Variants in FHOD3 observed in about 807,000 individuals in gnomAD.
FHOD3 encodes formin homology 2 domain containing 3.
FHOD3 carries 90 observed loss-of-function variants against 173.0 expected under a neutral mutation model. The ratio of observed to expected loss-of-function variants is 0.52; its 90% CI spans 0.44 to 0.62. The LOEUF (loss-of-function observed/expected upper bound fraction) is 0.62. Ranked by LOEUF, FHOD3 falls within the 20% of genes least tolerant of loss-of-function variation. The pLI is 0.00. For synonymous variants in FHOD3, 828 were observed against 823.0 expected, an observed-to-expected ratio of 1.01 and a Z score of -0.10; for missense variants, 1,945 against 2,034.7, an observed-to-expected ratio of 0.96 and a Z score of 0.85.
chr18:36,763,294 A>G (rs2042984073), intron 27 of FHOD3, among the ~76,000 whole-genome samples: 1 of 140,856 alleles, frequency 7.1e-6, no homozygotes, highest in South Asian at 2.2e-4. Flanking sequence ...CAATATGCGT[A>G]TTATACACGT....
intron 20 of FHOD3, among the ~76,000 whole-genome samples, chr18:36,736,275 A>T (rs1253129272): frequency 6.6e-6 from 1 of 152,256 alleles, no homozygotes; most frequent in Non-Finnish European, 1.5e-5. Context: ...GTGCACTGTT[A>T]GCTTTGCCAT....
rs146855973 is a variant in FHOD3, at chr18:36,779,691, C to T, written c.*161C>T. ...ACCCCATGGCTTGTGTTGCCTGCTACGCATTGACTTGGATCTCCAGGAGTC... is the reference window on the plus strand; with the variant it reads ...ACCCCATGGCTTGTGTTGCCTGCTATGCATTGACTTGGATCTCCAGGAGTC... On this transcript the variant is annotated 3_prime_UTR_variant, in exon 29 of 29. Coordinates refer to ENST00000590592, the MANE Select transcript of FHOD3 (RefSeq NM_001281740.3). 6 of 641,440 alleles carry T rather than the reference C, an allele frequency of 9.4e-6. No individual in the cohort carries two copies. The highest frequency in any genetic ancestry group is 5.2e-5 in the Admixed American group (2 of 38,670). The allele number at this position is 641,440 out of a possible 1,614,324, so 39.7% of individuals were successfully genotyped here. A position where few individuals can be genotyped will look rare whatever the true frequency, so the allele number is the denominator to read the frequency against.
At chr18:36,616,902 TC>T (rs2033252635) in intron 9 of FHOD3, among the ~76,000 whole-genome samples, 1 of 152,232 alleles carries the variant, frequency 6.6e-6, no homozygotes, top group Non-Finnish European at 1.5e-5. Context: ...GTCTGGGACA[TC>T]CCTTGTGACT....
chr18:36,402,506 T>TACACAACACAC (rs1555693805), intron 3 of FHOD3, among the ~76,000 whole-genome samples: 9 of 143,906 alleles, frequency 6.3e-5, no homozygotes, highest in African/African-American at 2.3e-4. Flanking sequence ...GATGCAATTA[T>TACACAACACAC]ACACACACAC....
intron 5 of FHOD3, among the ~76,000 whole-genome samples, chr18:36,561,951 A>G (rs2058095902): frequency 6.9e-6 from 1 of 144,284 alleles, no homozygotes; most frequent in Non-Finnish European, 1.5e-5. Context: ...AGTGACTACT[A>G]CTACACTGTG....
chr18:36,610,618 C>T (rs1599863908), intron 8 of FHOD3, among the ~76,000 whole-genome samples: 1 of 152,174 alleles, frequency 6.6e-6, no homozygotes, highest in East Asian at 1.9e-4. Context: ...GACTGGTGTC[C>T]TCTTTGCTCA....
chr18:36,467,196 C>T (rs544543289), intron 3 of FHOD3, among the ~76,000 whole-genome samples: 81 of 152,266 alleles, frequency 5.3e-4, no homozygotes, highest in African/African-American at 1.7e-3. Context: ...CCTTCACCTT[C>T]GTCTTAGGAG....
intron 3 of FHOD3, among the ~76,000 whole-genome samples, chr18:36,473,303 G>A (rs1422826797): frequency 1.1e-4 from 17 of 152,310 alleles, no homozygotes; most frequent in African/African-American, 4.1e-4. Flanking sequence ...GATCCCAGCT[G>A]CTCAGGAGGC....
At chr18:36,653,253 A>G in intron 12 of FHOD3, 89 bp from the exon 13 acceptor site, 3 of 1,024,986 alleles carry the variant, frequency 2.9e-6, no homozygotes, top group South Asian at 3.0e-5. Context: ...GCCAGGTGGC[A>G]TGAAGTCTTT....
intron 10 of FHOD3, among the ~76,000 whole-genome samples, chr18:36,641,327 G>A (rs112728708): frequency 1.3e-5 from 2 of 152,310 alleles, no homozygotes; most frequent in African/African-American, 2.4e-5. Flanking sequence ...GGAGGTTCAC[G>A]AAGGGAAAGT....
intron 3 of FHOD3, among the ~76,000 whole-genome samples, chr18:36,388,727 A>G (rs2048149364): frequency 6.6e-6 from 1 of 152,148 alleles, no homozygotes; most frequent in Non-Finnish European, 1.5e-5. Context: ...CCACAGAAGG[A>G]GTTTATACCA....
intron 10 of FHOD3, among the ~76,000 whole-genome samples, chr18:36,629,562 G>C (rs755047196): frequency 6.6e-6 from 1 of 152,208 alleles, no homozygotes; most frequent in Non-Finnish European, 1.5e-5. Flanking sequence ...TATGAGAGAA[G>C]AATCCACTGT....
intron 1 of FHOD3, among the ~76,000 whole-genome samples, chr18:36,300,788 G>T (rs1474034769): frequency 5.9e-5 from 9 of 151,966 alleles, no homozygotes; most frequent in Non-Finnish European, 8.8e-5. Context: ...ACCTAGGCTG[G>T]AGTGCAGTGG....
At chr18:36,368,982 C>T (rs894469210) in intron 2 of FHOD3, among the ~76,000 whole-genome samples, 2 of 152,106 alleles carry the variant, frequency 1.3e-5, no homozygotes, top group East Asian at 1.9e-4. Context: ...CCTATCACTA[C>T]GTCATAGAAA....
intron 5 of FHOD3, among the ~76,000 whole-genome samples, chr18:36,531,156 G>T (rs2056762983): frequency 6.6e-6 from 1 of 152,094 alleles, no homozygotes; most frequent in South Asian, 2.1e-4. Flanking sequence ...GTGGTTTTGT[G>T]GCTGGACAGT....
At chr18:36,749,573 T>G (rs529546456) in intron 24 of FHOD3, among the ~76,000 whole-genome samples, 1 of 152,340 alleles carries the variant, frequency 6.6e-6, no homozygotes, top group African/African-American at 2.4e-5. Flanking sequence ...TTATCCAATC[T>G]GTTATTGATG....
chr18:36,349,562 G>A (rs1465584617), intron 1 of FHOD3, among the ~76,000 whole-genome samples: 3 of 152,204 alleles, frequency 2.0e-5, no homozygotes, highest in South Asian at 4.2e-4. Flanking sequence ...TTTATAGAAC[G>A]GTTCTGTGCA....
chr18:36,769,567 A>C, intron 28 of FHOD3, 141 bp downstream of exon 28: 1 of 1,178,518 alleles, frequency 8.5e-7, no homozygotes. Flanking sequence ...CATCCACAGA[A>C]AGTTTCAGGG....
At chr18:36,341,497 A>G (rs2045616827) in intron 1 of FHOD3, among the ~76,000 whole-genome samples, 1 of 152,210 alleles carries the variant, frequency 6.6e-6, no homozygotes, top group African/African-American at 2.4e-5. Context: ...CCTGTTCATG[A>G]GCGGCAGGTG....
Sources: allele counts gnomAD v4.1 joint callset (sites outside exome capture counted in the v4.1 genomes callset), GRCh38; gene constraint gnomAD v4.1.1; transcripts MANE v1.5; gene names NCBI Gene and HGNC (gene_info 2026-07-23, HGNC 2026-07-21).